Variants in GSE1 observed in about 807,000 individuals in gnomAD.
GSE1 encodes genetic suppressor element 1.
In GSE1, 32 loss-of-function variants were observed where a neutral mutation model predicts 112.6. The observed-to-expected ratio is 0.28, with a 90% CI of 0.21 to 0.38. The LOEUF (loss-of-function observed/expected upper bound fraction) is 0.38. GSE1 is among the 10% of genes least tolerant of loss of function. The probability of loss-of-function intolerance (pLI) is 1.00; values close to 1 mark genes in which losing one functional copy is unlikely to be tolerated. For missense variants in GSE1, 2,348 were observed against 1,699.2 expected (o/e 1.38, Z -6.71); for synonymous variants, 1,115 against 735.6 (o/e 1.52, Z -8.35).
chr16:85,189,251 G>C (rs932463382), intron 1 of GSE1, among the ~76,000 whole-genome samples: 1 of 152,104 alleles, frequency 6.6e-6, no homozygotes, highest in African/African-American at 2.4e-5. Flanking sequence ...TTTGACATTT[G>C]ATAATAACCT....
intron 2 of GSE1, among the ~76,000 whole-genome samples, chr16:85,450,316 C>T (rs1001070041): frequency 6.6e-6 from 1 of 151,640 alleles, no homozygotes; most frequent in Non-Finnish European, 1.5e-5. Flanking sequence ...TGGGGTTTCT[C>T]CATGTTGGTC....
At chr16:85,225,248 C>T (rs57744452) in intron 1 of GSE1, among the ~76,000 whole-genome samples, 253 of 152,334 alleles carry the variant, frequency 1.7e-3, no homozygotes, top group African/African-American at 5.9e-3. Context: ...GTTGAGCAGA[C>T]ACTCTGGGAG....
intron 2 of GSE1, among the ~76,000 whole-genome samples, chr16:85,469,623 T>C (rs1322477805): frequency 1.3e-5 from 2 of 152,254 alleles, no homozygotes; most frequent in African/African-American, 2.4e-5. Flanking sequence ...CTAGTGTTCC[T>C]TGTGGACTCT....
intron 2 of GSE1, among the ~76,000 whole-genome samples, chr16:85,639,194 C>A (rs944293091): frequency 6.6e-6 from 1 of 152,214 alleles, no homozygotes; most frequent in Non-Finnish European, 1.5e-5. Flanking sequence ...AAGGGACGTC[C>A]CCGGGGCCGC....
intron 8 of GSE1, among the ~76,000 whole-genome samples, chr16:85,660,921 C>G (rs1273281945): frequency 6.6e-6 from 1 of 152,116 alleles, no homozygotes; most frequent in African/African-American, 2.4e-5. Context: ...TGAGCCACTG[C>G]GCCCGGCCGA....
chr16:85,605,590 CG>C (rs1481389447), intron 1 of GSE1, among the ~76,000 whole-genome samples: 2 of 151,964 alleles, frequency 1.3e-5, no homozygotes, highest in Non-Finnish European at 2.9e-5. Context: ...GCTAAGGAAA[CG>C]GGTGTGCAGT....
upstream of GSE1, among the ~76,000 whole-genome samples, chr16:85,608,618 G>C (rs2047819910): frequency 6.6e-6 from 1 of 152,216 alleles, no homozygotes; most frequent in African/African-American, 2.4e-5. Flanking sequence ...AGCCACGTCT[G>C]GATGAGACTC....
chr16:85,643,424 C>T (rs1438768288), intron 2 of GSE1, among the ~76,000 whole-genome samples: 1 of 152,186 alleles, frequency 6.6e-6, no homozygotes, highest in Non-Finnish European at 1.5e-5. Context: ...GATTAGGCCG[C>T]TGAGTGTCAA....
At chr16:85,320,579 G>A (rs1315274819) in intron 1 of GSE1, among the ~76,000 whole-genome samples, 1 of 152,178 alleles carries the variant, frequency 6.6e-6, no homozygotes, top group East Asian at 1.9e-4. Flanking sequence ...ATAAGCGTGA[G>A]CCACCACGCC....
At chr16:85,638,515 C>G (rs980356425) in intron 2 of GSE1, among the ~76,000 whole-genome samples, 1 of 152,200 alleles carries the variant, frequency 6.6e-6, no homozygotes, top group Non-Finnish European at 1.5e-5. Context: ...GCCGCTTTGC[C>G]TCTCTGAGCT....
intron 2 of GSE1, among the ~76,000 whole-genome samples, chr16:85,647,755 A>G (rs996525936): frequency 6.6e-6 from 1 of 151,952 alleles, no homozygotes; most frequent in Non-Finnish European, 1.5e-5. Flanking sequence ...CCCGGCTAAT[A>G]TTTGTATTTT....
intron 1 of GSE1, among the ~76,000 whole-genome samples, chr16:85,266,681 G>A (rs952309678): frequency 2.6e-5 from 4 of 152,016 alleles, no homozygotes; most frequent in Middle Eastern, 3.2e-3. Context: ...GGGTGGTTTG[G>A]GGCCTGCCAG....
At chr16:85,566,529 G>T (rs1443579483) in intron 1 of GSE1, among the ~76,000 whole-genome samples, 3 of 152,184 alleles carry the variant, frequency 2.0e-5, no homozygotes, top group Non-Finnish European at 4.4e-5. Flanking sequence ...CCTCAGCGGA[G>T]AATTTCTTTG....
chr16:85,449,347 C>G (rs1209849945), intron 2 of GSE1, among the ~76,000 whole-genome samples: 1 of 152,208 alleles, frequency 6.6e-6, no homozygotes, highest in Non-Finnish European at 1.5e-5. Flanking sequence ...AAAACAAAGC[C>G]AAGGGATGGC....
intron 1 of GSE1, among the ~76,000 whole-genome samples, chr16:85,630,555 A>G (rs79517375): frequency 0.028 from 4,270 of 152,284 alleles, 196 homozygotes; most frequent in African/African-American, 0.096. Context: ...GGCCTCACGC[A>G]GTCCTCCCAC....
chr16:85,248,708 C>T (rs1232710281), intron 1 of GSE1, among the ~76,000 whole-genome samples: 1 of 152,230 alleles, frequency 6.6e-6, no homozygotes, highest in Non-Finnish European at 1.5e-5. Context: ...TAGAACCAAG[C>T]AGGGAGGGGG....
In GSE1 at chr16:85,666,838, G is replaced by A. The variant is rs139852502; in HGVS notation, c.3130+491G>A. Among the ~76,000 whole-genome samples, 9 of 152,350 alleles carry A rather than the reference G, an allele frequency of 5.9e-5. No individual in the cohort carries two copies. The East Asian group carries it at 9.6e-4, about 16-fold the overall frequency. On this transcript the variant is annotated intron_variant, in intron 13 of 15. Transcript: ENST00000253458. ...AGCCCTCTGGATCCGTGGGTTCCGC[G>A]TCTTTGGATTCAACCAGCTTCAGAT...
At chr16:85,284,270 A>G (rs890463402) in intron 1 of GSE1, among the ~76,000 whole-genome samples, 6 of 152,220 alleles carry the variant, frequency 3.9e-5, no homozygotes, top group African/African-American at 1.2e-4. Context: ...CGCGAGGACA[A>G]AGAACATGAC....
chr16:85,578,341 C>T (rs2046316185), intron 1 of GSE1, among the ~76,000 whole-genome samples: 2 of 152,218 alleles, frequency 1.3e-5, no homozygotes, highest in South Asian at 2.1e-4. Context: ...ACGCCAGGCT[C>T]CAAGTGCCTG....
Sources: gnomAD v4.1 joint callset for allele counts (sites outside exome capture counted in the v4.1 genomes callset) on GRCh38, gnomAD v4.1.1 for gene constraint, MANE v1.5 for transcripts, NCBI Gene and HGNC (gene_info 2026-07-23, HGNC 2026-07-21) for gene names.